Variants in GALK2 observed in about 807,000 individuals in gnomAD.
GALK2 encodes the protein galactokinase 2, also known as N-acetylgalactosamine kinase.
In GALK2, 36 loss-of-function variants were observed where a neutral mutation model predicts 52.4. The ratio of observed to expected loss-of-function variants is 0.69; its 90% CI spans 0.53 to 0.91. The LOEUF (loss-of-function observed/expected upper bound fraction) is 0.91, where lower values mean the gene tolerates loss of function less well. Among genes scored for constraint, GALK2 ranks in the 40% least tolerant of loss-of-function variants. The pLI is 0.00. For missense variants in GALK2, 579 were observed against 559.1 expected, an observed-to-expected ratio of 1.04 and a Z score of -0.36; for synonymous variants, 176 against 199.1, an observed-to-expected ratio of 0.88 and a Z score of 0.98.
intron 3 of GALK2, among the ~76,000 whole-genome samples, chr15:49,361,036 G>A (rs1041848900): frequency 4.6e-5 from 7 of 152,106 alleles, no homozygotes; most frequent in African/African-American, 1.7e-4. Flanking sequence ...GCGGAATAGG[G>A]AGGTTTTGGT....
chr15:49,349,963 T>C (rs1180840394), intron 3 of GALK2, among the ~76,000 whole-genome samples: 1 of 152,170 alleles, frequency 6.6e-6, no homozygotes, highest in Non-Finnish European at 1.5e-5. Context: ...AGATGGGAAA[T>C]TAACTTTGTT....
chr15:49,332,425 G>A (rs1319198168), downstream of GALK2, among the ~76,000 whole-genome samples: 1 of 152,120 alleles, frequency 6.6e-6, no homozygotes, highest in African/African-American at 2.4e-5. Flanking sequence ...TTGTGAGCAG[G>A]GATCCAGGAA....
At chr15:49,228,684 TATA>T (rs201228204) in intron 3 of GALK2, among the ~76,000 whole-genome samples, 8 of 18,824 alleles carry the variant, frequency 4.2e-4, no homozygotes, top group Non-Finnish European at 7.8e-4. Context: ...TATATATATA[TATA>T]TTTTTTTTTT....
chr15:49,299,756 TTTCTTTCTTTCTTTCTTTC>T (rs2034886654), intron 8 of GALK2, among the ~76,000 whole-genome samples: 1 of 137,818 alleles, frequency 7.3e-6, no homozygotes, highest in Non-Finnish European at 1.6e-5. Context: ...TCTTTCTTTC[TTTCTTTCTTTCTTTCTTTC>T]TTTCTTTCTT....
At chr15:49,206,916 A>T (rs115544134) in intron 2 of GALK2, among the ~76,000 whole-genome samples, 3,385 of 152,224 alleles carry the variant, frequency 0.022, 103 homozygotes, top group South Asian at 0.077. Context: ...GTCTTGTCCC[A>T]GTTCTCAGAG....
At chr15:49,324,722 G>C (rs991278494) in intron 9 of GALK2, among the ~76,000 whole-genome samples, 2 of 152,024 alleles carry the variant, frequency 1.3e-5, no homozygotes, top group Admixed American at 1.3e-4. Context: ...GCAGAAGCTA[G>C]AAGTCTTCTC....
intron 3 of GALK2, among the ~76,000 whole-genome samples, chr15:49,360,641 T>C (rs1046898217): frequency 1.5e-4 from 23 of 152,188 alleles, no homozygotes; most frequent in African/African-American, 5.3e-4. Context: ...TTTAAAGATA[T>C]ACCATGCATT....
chr15:49,200,523 A>G (rs1274192442), intron 1 of GALK2, among the ~76,000 whole-genome samples: 1 of 152,240 alleles, frequency 6.6e-6, no homozygotes, highest in Non-Finnish European at 1.5e-5. Flanking sequence ...CAAGAAGGAA[A>G]AACAGACAGA....
intron 1 of GALK2, among the ~76,000 whole-genome samples, chr15:49,172,542 A>G (rs576659615): frequency 3.9e-5 from 6 of 152,218 alleles, no homozygotes; most frequent in South Asian, 4.1e-4. Context: ...TGAGAAGGAA[A>G]AAAAATGAAT....
In GALK2 at chr15:49,328,806, A is replaced by G. The variant is rs1305638748; in HGVS notation, c.*647A>G. 7.0e-7 allele frequency: 1 copy of G among 1,422,316 alleles called. No homozygotes were observed. The highest frequency in any genetic ancestry group is 2.5e-5 in the East Asian group (1 of 39,978). The allele number at this position is 1,422,316 out of a possible 1,614,324, so 88.1% of individuals were successfully genotyped here. A position where few individuals can be genotyped will look rare whatever the true frequency, so the allele number is the denominator to read the frequency against. On this transcript the variant is annotated 3_prime_UTR_variant, in exon 10 of 10. Transcript: ENST00000560031. ...TTTTTTTTTGACAAAAGGAGGATAC[A>G]GGAAGAAAATTCAGACTCATTTGAA...
intron 1 of GALK2, among the ~76,000 whole-genome samples, chr15:49,178,214 T>TAG (rs1261181250): frequency 6.1e-5 from 7 of 114,694 alleles, no homozygotes; most frequent in African/African-American, 2.3e-4. Flanking sequence ...TATATATATA[T>TAG]ATATATATAT....
intron 1 of GALK2, among the ~76,000 whole-genome samples, chr15:49,188,527 T>C (rs551550958): frequency 6.6e-6 from 1 of 152,252 alleles, no homozygotes; most frequent in Non-Finnish European, 1.5e-5. Flanking sequence ...GTGTCAATGA[T>C]TCAAGACTAT....
Position 49,328,669 on chromosome 15 carries a change from C to T in GALK2, c.*510C>T, listed in dbSNP as rs373923791. The T allele has an allele frequency of 1.0e-4, 161 of 1,558,924 alleles. No homozygotes were observed. The highest frequency in any genetic ancestry group is 1.9e-4 in the East Asian group (8 of 42,182). ...ACACATTCTCTCTCAATTTCAGCTTCGGAACGCTATGAAAATAATACATGA... is the reference window on the plus strand; with the variant it reads ...ACACATTCTCTCTCAATTTCAGCTTTGGAACGCTATGAAAATAATACATGA... On this transcript the variant is annotated 3_prime_UTR_variant, in exon 10 of 10. Transcript: ENST00000560031.
intron 1 of GALK2, among the ~76,000 whole-genome samples, chr15:49,172,309 G>C (rs1033877076): frequency 6.6e-6 from 1 of 152,042 alleles, no homozygotes; most frequent in Admixed American, 6.6e-5. Context: ...AATATTTATT[G>C]TTAATATTTA....
chr15:49,239,444 C>T (rs1296887612), intron 5 of GALK2, 77 bp downstream of exon 5: 35 of 1,373,796 alleles, frequency 2.5e-5, no homozygotes, highest in South Asian at 5.0e-5. Flanking sequence ...ATCAGAATGC[C>T]TTCCTTGATT....
intron 1 of GALK2, among the ~76,000 whole-genome samples, chr15:49,197,814 G>T (rs2087373737): frequency 6.6e-6 from 1 of 151,800 alleles, no homozygotes; most frequent in African/African-American, 2.4e-5. Context: ...AATTTCTGTG[G>T]TATTTAAGAA....
At chr15:49,360,094 T>A (rs1482410239) in intron 3 of GALK2, among the ~76,000 whole-genome samples, 3 of 63,324 alleles carry the variant, frequency 4.7e-5, no homozygotes, top group Admixed American at 2.6e-4. Flanking sequence ...TGTTGTGGGG[T>A]GGGGGGAGGG....
intron 9 of GALK2, among the ~76,000 whole-genome samples, chr15:49,325,688 G>T (rs1387623127): frequency 6.6e-6 from 1 of 152,228 alleles, no homozygotes; most frequent in Non-Finnish European, 1.5e-5. Flanking sequence ...GGGGGCAGAA[G>T]GCTATTTCTA....
At chr15:49,181,729 A>G (rs1222556399) in intron 1 of GALK2, among the ~76,000 whole-genome samples, 2 of 151,910 alleles carry the variant, frequency 1.3e-5, no homozygotes, top group African/African-American at 4.8e-5. Context: ...TTTTAGACTT[A>G]TAGAAAAATC....
Sources: gnomAD v4.1 joint callset for allele counts (sites outside exome capture counted in the v4.1 genomes callset) on GRCh38, gnomAD v4.1.1 for gene constraint, MANE v1.5 for transcripts, NCBI Gene and HGNC (gene_info 2026-07-23, HGNC 2026-07-21) for gene names.